GRIK2: variants seen among roughly 807,000 people sequenced by gnomAD.
The protein encoded by GRIK2 is glutamate ionotropic receptor kainate type subunit 2, also known as glutamate receptor ionotropic, kainate 2.
Under a neutral mutation model 100.3 loss-of-function variants are expected in GRIK2, and 32 were observed. The ratio of observed to expected loss-of-function variants is 0.32; its 90% CI spans 0.24 to 0.43. The LOEUF (loss-of-function observed/expected upper bound fraction) is 0.43, where lower values mean the gene tolerates loss of function less well. Among genes scored for constraint, GRIK2 ranks in the 20% least tolerant of loss-of-function variants. The probability of loss-of-function intolerance (pLI) is 1.00; values close to 1 mark genes in which losing one functional copy is unlikely to be tolerated. For missense variants in GRIK2, 843 were observed against 1,114.9 expected (o/e 0.76, Z 3.47); for synonymous variants, 417 against 389.4 (o/e 1.07, Z -0.83).
intron 11 of GRIK2, among the ~76,000 whole-genome samples, chr6:101,872,867 G>C (rs1582426134): frequency 6.6e-6 from 1 of 151,790 alleles, no homozygotes; most frequent in Non-Finnish European, 1.5e-5. Flanking sequence ...TTAAATTATA[G>C]GTTGATAATA....
chr6:101,980,429 C>A (rs931211261), intron 14 of GRIK2, among the ~76,000 whole-genome samples: 2 of 151,794 alleles, frequency 1.3e-5, no homozygotes, highest in African/African-American at 4.8e-5. Context: ...TTGTTAGTGT[C>A]AGAAGAATTT....
chr6:101,505,350 G>C (rs1191677562), intron 2 of GRIK2, among the ~76,000 whole-genome samples: 2 of 152,098 alleles, frequency 1.3e-5, no homozygotes, highest in Non-Finnish European at 2.9e-5. Context: ...GCTTTCCTCA[G>C]TTAAGCAGCT....
intron 2 of GRIK2, among the ~76,000 whole-genome samples, chr6:101,564,484 C>G (rs1777159696): frequency 1.3e-5 from 2 of 152,062 alleles, no homozygotes; most frequent in Non-Finnish European, 2.9e-5. Flanking sequence ...AGCCAGATGC[C>G]CAACCTGAAT....
At chr6:101,522,283 C>T (rs1409206270) in intron 2 of GRIK2, among the ~76,000 whole-genome samples, 1 of 152,150 alleles carries the variant, frequency 6.6e-6, no homozygotes, top group Admixed American at 6.5e-5. Flanking sequence ...CTTTCCTGCT[C>T]TTTTCATTTA....
At chr6:101,708,907 T>C (rs1265771075) in intron 7 of GRIK2, among the ~76,000 whole-genome samples, 1 of 151,820 alleles carries the variant, frequency 6.6e-6, no homozygotes, top group Admixed American at 6.6e-5. Context: ...TCTTTGAAGA[T>C]GTAATCATGT....
intron 14 of GRIK2, among the ~76,000 whole-genome samples, chr6:101,971,761 T>C (rs1793066731): frequency 6.6e-6 from 1 of 151,906 alleles, no homozygotes; most frequent in African/African-American, 2.4e-5. Flanking sequence ...CTTCCCCTTC[T>C]AGTAGTTCAC....
At chr6:101,431,659 A>G (rs535728669) in intron 2 of GRIK2, 1 of 152,338 alleles carries the variant, frequency 6.6e-6, no homozygotes, top group African/African-American at 2.4e-5. Flanking sequence ...AACAAAGTTA[A>G]CTTATGGTAT....
At chr6:102,014,951 C>T (rs1359089488) in intron 14 of GRIK2, among the ~76,000 whole-genome samples, 1 of 151,946 alleles carries the variant, frequency 6.6e-6, no homozygotes, top group Non-Finnish European at 1.5e-5. Flanking sequence ...CTATCAGATC[C>T]ATTTGGTCAA....
chr6:101,774,200 C>A (rs2128398914), intron 7 of GRIK2, among the ~76,000 whole-genome samples: 2 of 151,952 alleles, frequency 1.3e-5, no homozygotes, highest in East Asian at 3.9e-4. Context: ...ACACCTAGGT[C>A]CCAAATTTAG....
intron 2 of GRIK2, among the ~76,000 whole-genome samples, chr6:101,412,943 C>G (rs1040450929): frequency 1.3e-5 from 2 of 151,942 alleles, no homozygotes; most frequent in Non-Finnish European, 2.9e-5. Context: ...CTTTACTAAA[C>G]CCGATAGCCA....
intron 2 of GRIK2, among the ~76,000 whole-genome samples, chr6:101,519,452 T>G (rs1314056212): frequency 6.6e-6 from 1 of 152,046 alleles, no homozygotes; most frequent in Non-Finnish European, 1.5e-5. Context: ...ATTTTTCTTT[T>G]TTATTGACAT....
rs181504145 is a variant in GRIK2 at position 102,019,413 on chromosome 6, C to A, written c.2086-15928C>A. 6.6e-5 allele frequency among the ~76,000 whole-genome samples: 10 copies of A among 152,144 alleles called. No homozygotes were observed. In the East Asian group the frequency reaches 1.4e-3, roughly 21 times the overall value. On this transcript the variant is annotated intron_variant, in intron 14 of 16. Transcript: ENST00000369134. ...TAAAATGCACTTCCTCTTCCTACTG[C>A]AACTGCTCTTTTGGGAAAATTTACT...
chr6:101,587,162 T>A lies in GRIK2; in HGVS notation c.116-34787T>A. Among the ~76,000 whole-genome samples the A allele has an allele frequency of 1.3e-5, 2 of 151,698 alleles. 1 individual carries two copies. The highest frequency in any genetic ancestry group is 2.9e-5 in the Non-Finnish European group (2 of 67,902). On this transcript the variant is annotated intron_variant, in intron 2 of 16. Transcript: ENST00000369134. ...GAAAGAAAAAATGAACAGGCAAAGT[T>A]GAAAAAGAACAAAATAGAACTGCTG... is the stretch of plus-strand genomic sequence containing the variant.
chr6:102,002,366 G>A (rs1349565754), intron 14 of GRIK2, among the ~76,000 whole-genome samples: 1 of 143,814 alleles, frequency 7.0e-6, no homozygotes, highest in Non-Finnish European at 1.5e-5. Flanking sequence ...TATATATTAT[G>A]TATATATTTA....
intron 15 of GRIK2, among the ~76,000 whole-genome samples, chr6:102,036,314 G>A (rs1770271754): frequency 6.6e-6 from 1 of 150,816 alleles, no homozygotes; most frequent in Non-Finnish European, 1.5e-5. Context: ...CAGAATAATG[G>A]CTTCCCAGAG....
At chr6:101,694,017 C>T (rs1464679588) in intron 7 of GRIK2, among the ~76,000 whole-genome samples, 1 of 152,014 alleles carries the variant, frequency 6.6e-6, no homozygotes, top group Admixed American at 6.6e-5. Flanking sequence ...CAGTCAATGT[C>T]AAGGACACCC....
At chr6:102,015,580 G>A (rs781067275) in intron 14 of GRIK2, among the ~76,000 whole-genome samples, 13 of 152,036 alleles carry the variant, frequency 8.6e-5, no homozygotes, top group African/African-American at 2.2e-4. Context: ...CTGTTGCTGC[G>A]GCCAACACCT....
rs377763283 is a variant in GRIK2, at chr6:101,776,598, A to T, written c.952-23050A>T. Among the ~76,000 whole-genome samples, 9 of 152,324 alleles carry T rather than the reference A, an allele frequency of 5.9e-5. No homozygotes were observed. In the East Asian group the frequency reaches 7.7e-4, roughly 13 times the overall value. ...ATAATAGTCATACTTGTCCAAGTTT[A>T]CATGCTGTAGTGAAATTATCTGTGC... On this transcript the variant is annotated intron_variant, in intron 7 of 16. Transcript: ENST00000369134.
intron 7 of GRIK2, among the ~76,000 whole-genome samples, chr6:101,727,551 A>G (rs556594164): frequency 6.6e-6 from 1 of 152,236 alleles, no homozygotes; most frequent in South Asian, 2.1e-4. Context: ...CATGATAGGC[A>G]TATCACTTGT....
Sources: gnomAD v4.1 joint callset for allele counts (sites outside exome capture counted in the v4.1 genomes callset) on GRCh38, gnomAD v4.1.1 for gene constraint, MANE v1.5 for transcripts, NCBI Gene and HGNC (gene_info 2026-07-23, HGNC 2026-07-21) for gene names.